Variants in AVEN observed in about 807,000 individuals in gnomAD.
AVEN encodes cell death regulator Aven.
In AVEN, 41 loss-of-function variants were observed where a neutral mutation model predicts 38.1. That is an observed-to-expected ratio of 1.08 (90% CI 0.84 to 1.40). The LOEUF (loss-of-function observed/expected upper bound fraction) is 1.40. AVEN is among the 40% of genes most tolerant of loss of function. The pLI is 0.00. For synonymous variants in AVEN, 206 were observed against 171.8 expected, an observed-to-expected ratio of 1.20 and a Z score of -1.56; for missense variants, 605 against 438.8, an observed-to-expected ratio of 1.38 and a Z score of -3.38.
intron 2 of AVEN, among the ~76,000 whole-genome samples, chr15:33,895,997 A>G (rs1454085785): frequency 6.6e-6 from 1 of 152,186 alleles, no homozygotes; most frequent in East Asian, 1.9e-4. Flanking sequence ...GAGAATTCAA[A>G]AGGGTCTTGC....
chr15:33,882,979 T>A (rs1330969956), intron 2 of AVEN, among the ~76,000 whole-genome samples: 2 of 152,196 alleles, frequency 1.3e-5, no homozygotes, highest in East Asian at 3.9e-4. Flanking sequence ...TCAGAAAGAA[T>A]GTTTCAAGCA....
intron 2 of AVEN, among the ~76,000 whole-genome samples, chr15:33,919,173 G>A (rs1006642567): frequency 7.2e-5 from 11 of 151,932 alleles, no homozygotes; most frequent in African/African-American, 2.7e-4. Flanking sequence ...CACCCACCTC[G>A]GCCTCCCAAA....
At chr15:34,029,975 C>T (rs978217554) in intron 1 of AVEN, among the ~76,000 whole-genome samples, 10 of 152,038 alleles carry the variant, frequency 6.6e-5, no homozygotes, top group Non-Finnish European at 1.5e-4. Flanking sequence ...AATTCCAAGC[C>T]GAGCATGGTG....
In AVEN at chr15:33,981,753, T is replaced by C. The variant is rs374055763; in HGVS notation, c.445+21279A>G. Among the ~76,000 whole-genome samples the C allele has an allele frequency of 3.1e-4, 47 of 152,334 alleles. 1 individual carries two copies. The South Asian group carries it at 9.1e-3, about 30-fold the overall frequency. On this transcript the variant is annotated intron_variant, in intron 2 of 5. Coordinates refer to ENST00000306730, the MANE Select transcript of AVEN (RefSeq NM_020371.3). ...TTATCTCATCTATAAAATTGTCTAA[T>C]ACTAACACTGAAGGGCTATTTTGAA...
chr15:34,064,444 A>G, intron 4 of AVEN: 1 of 1,206,884 alleles, frequency 8.3e-7, no homozygotes, highest in South Asian at 1.6e-5. Flanking sequence ...AGATTTTTGT[A>G]AAGGCTCAAG....
At chr15:34,008,937 C>G (rs1244248808) in intron 1 of AVEN, among the ~76,000 whole-genome samples, 1 of 94,540 alleles carries the variant, frequency 1.1e-5, no homozygotes, top group Non-Finnish European at 2.3e-5. Flanking sequence ...AAAACACACA[C>G]TCACACGTGC....
downstream of AVEN, chr15:33,856,650 T>TTTTTTTGTTTG (rs1555495258): frequency 3.2e-5 from 5 of 154,376 alleles, no homozygotes; most frequent in Admixed American, 2.0e-4. Flanking sequence ...CCTTTGGGTT[T>TTTTTTTGTTTG]TTTGTTTGTT....
chr15:34,067,299 T>C (rs557330239), intron 2 of AVEN: 19 of 152,364 alleles, frequency 1.2e-4, no homozygotes, highest in South Asian at 6.2e-4. Context: ...ACAATACTGA[T>C]GCCAGCTCTT....
At chr15:33,954,179 T>C (rs1448166761) in intron 2 of AVEN, among the ~76,000 whole-genome samples, 4 of 152,078 alleles carry the variant, frequency 2.6e-5, no homozygotes, top group African/African-American at 7.2e-5. Context: ...TGTGGAAAAA[T>C]AGGAACGCTT....
intron 1 of AVEN, among the ~76,000 whole-genome samples, chr15:34,037,106 T>C (rs1289336361): frequency 3.2e-5 from 4 of 123,154 alleles, no homozygotes; most frequent in African/African-American, 1.9e-4. Context: ...TAAAACTCCG[T>C]CTCAAAAAAA....
chr15:34,067,924 T>G (rs1368464081), intron 2 of AVEN, among the ~76,000 whole-genome samples: 1 of 152,080 alleles, frequency 6.6e-6, no homozygotes, highest in Non-Finnish European at 1.5e-5. Context: ...AGACCCCAGA[T>G]CGAGAGTGAG....
Position 33,866,744 on chromosome 15 carries a change from CAATGTTA to C in AVEN, c.974-23_974-17del. The C allele has an allele frequency of 1.3e-6, 2 of 1,557,018 alleles. No individual in the cohort carries two copies. Among genetic ancestry groups the C allele is most frequent in the Non-Finnish European group, 1.8e-6 (2 of 1,128,570 alleles). ...TTTGCACAAACTGGGGGAAAAAAAA[CAATGTTA>C]ACACCCTCAGATGAGTCCTAAAATT... On this transcript the variant is annotated splice_polypyrimidine_tract_variant and intron_variant, in intron 5 of 5. Transcript: ENST00000306730.
chr15:33,897,629 G>C (rs1892291872), intron 2 of AVEN, among the ~76,000 whole-genome samples: 1 of 152,108 alleles, frequency 6.6e-6, no homozygotes, highest in Admixed American at 6.5e-5. Flanking sequence ...TATAATCCCA[G>C]CACTTTGGGA....
At chr15:34,018,721 T>C (rs1475285598) in intron 1 of AVEN, among the ~76,000 whole-genome samples, 1 of 152,212 alleles carries the variant, frequency 6.6e-6, no homozygotes, top group African/African-American at 2.4e-5. Flanking sequence ...TTTATTCCCT[T>C]ATTTGGCCCT....
At chr15:34,000,390 C>A (rs11072868) in intron 2 of AVEN, among the ~76,000 whole-genome samples, 22,649 of 152,122 alleles carry the variant, frequency 0.15, 2,132 homozygotes, top group Middle Eastern at 0.27. Context: ...ACACTAGATA[C>A]CATTCAATCA....
intron 2 of AVEN, among the ~76,000 whole-genome samples, chr15:33,958,498 G>C (rs934526404): frequency 2.0e-5 from 3 of 151,714 alleles, no homozygotes; most frequent in Non-Finnish European, 4.4e-5. Context: ...GGCTGAGGGA[G>C]GAGAATCACT....
chr15:33,865,201 A>AACAATATGAAGATCAGCTTGGAT, downstream of AVEN: 1 of 1,613,620 alleles, frequency 6.2e-7, no homozygotes, highest in Non-Finnish European at 8.5e-7. Context: ...TGCTTTCGTA[A>AACAATATGAAGATCAGCTTGGAT]ACAATATGAA....
chr15:34,051,161 G>A (rs757142487), intron 5 of AVEN, among the ~76,000 whole-genome samples: 15 of 152,128 alleles, frequency 9.9e-5, no homozygotes, highest in Non-Finnish European at 1.6e-4. Context: ...AGACCACAGC[G>A]CAATCAAATT....
chr15:33,913,214 C>T (rs1479891611), intron 2 of AVEN, among the ~76,000 whole-genome samples: 3 of 152,128 alleles, frequency 2.0e-5, no homozygotes, highest in Non-Finnish European at 4.4e-5. Flanking sequence ...AAAAAGAATG[C>T]AGAGGAATTG....
Sources: allele counts gnomAD v4.1 joint callset (sites outside exome capture counted in the v4.1 genomes callset), GRCh38; gene constraint gnomAD v4.1.1; transcripts MANE v1.5; gene names NCBI Gene and HGNC (gene_info 2026-07-23, HGNC 2026-07-21).